CLEC4F: variants seen among roughly 807,000 people sequenced by gnomAD.
CLEC4F encodes the protein C-type lectin domain family 4 member F, also known as C-type (calcium dependent, carbohydrate-recognition domain) lectin, superfamily member 13.
Under a neutral mutation model 53.4 loss-of-function variants are expected in CLEC4F, and 45 were observed. The observed-to-expected ratio is 0.84, with a 90% CI of 0.66 to 1.08. The LOEUF (loss-of-function observed/expected upper bound fraction) is 1.08, where lower values mean the gene tolerates loss of function less well. CLEC4F is among the 50% of genes least tolerant of loss of function. The pLI is 0.00. For synonymous variants in CLEC4F, 245 were observed against 257.5 expected, an observed-to-expected ratio of 0.95 and a Z score of 0.46; for missense variants, 753 against 698.2, an observed-to-expected ratio of 1.08 and a Z score of -0.88.
rs782069964 is a variant in CLEC4F at position 70,820,539 on chromosome 2, C to T, written c.-16G>A. On this transcript the variant is annotated 5_prime_UTR_variant, in exon 1 of 7. Coordinates refer to ENST00000272367, the MANE Select transcript of CLEC4F (RefSeq NM_173535.3). ...CACCGTCCATCTCTGCTTCCTTGATCCTCCAGCACTGCTCCCAGCCACTGG... is the reference window on the plus strand; with the variant it reads ...CACCGTCCATCTCTGCTTCCTTGATTCTCCAGCACTGCTCCCAGCCACTGG... 2.5e-6 allele frequency: 4 copies of T among 1,577,286 alleles called. No homozygotes were observed. In the South Asian group the frequency reaches 4.6e-5, roughly 18 times the overall value.
At chr2:70,822,067 C>T (rs1264067308), upstream of CLEC4F, among the ~76,000 whole-genome samples, 1 of 152,140 alleles carries the variant, frequency 6.6e-6, no homozygotes, top group Non-Finnish European at 1.5e-5. Flanking sequence ...CCAGAACCCC[C>T]AAATTTGTAG....
At chr2:70,819,953 G>T in intron 1 of CLEC4F, 62 bp from the exon 2 acceptor site, 1 of 1,133,618 alleles carries the variant, frequency 8.8e-7, no homozygotes, top group Non-Finnish European at 1.3e-6. Flanking sequence ...AGGGTGCTGT[G>T]CAGGCTGAGA....
chr2:70,813,611 CTT>C (rs1326423320), intron 4 of CLEC4F, among the ~76,000 whole-genome samples: 3 of 110,344 alleles, frequency 2.7e-5, no homozygotes, highest in African/African-American at 1.1e-4. Flanking sequence ...TTCTTTCTTT[CTT>C]TCTTTCTTTC....
rs571834555 is a variant in CLEC4F, at chr2:70,819,697, G to A, written c.178+78C>T. On this transcript the variant is annotated intron_variant, in intron 2 of 6. Coordinates refer to ENST00000272367, the MANE Select transcript of CLEC4F (RefSeq NM_173535.3). ...TTCTGGGAGCAGAGAGGCCCAGAGA[G>A]TGTGCATCTGGGGCCCCTGGGGACT... The A allele has an allele frequency of 1.1e-4, 114 of 999,628 alleles. 2 individuals are homozygous for A. In the South Asian group the frequency reaches 1.7e-3, roughly 15 times the overall value. 61.9% of individuals were successfully genotyped at this position (999,628 alleles called of 1,614,324 possible). A position where few individuals can be genotyped will look rare whatever the true frequency, so the allele number is the denominator to read the frequency against.
intron 3 of CLEC4F, among the ~76,000 whole-genome samples, chr2:70,818,849 T>C (rs1415017737): frequency 6.7e-6 from 1 of 149,624 alleles, no homozygotes; most frequent in South Asian, 2.1e-4. Flanking sequence ...AATGATAAAT[T>C]AGACTATCAA....
chr2:70,819,504 C>T, intron 2 of CLEC4F, 60 bp from the exon 3 acceptor site: 1 of 1,462,580 alleles, frequency 6.8e-7, no homozygotes, highest in Non-Finnish European at 9.6e-7. Context: ...GGAGGATACG[C>T]TGTCCCACAC....
chr2:70,816,760 G>A lies in CLEC4F; in HGVS notation c.621C>T (p.Asn207=). The A allele has an allele frequency of 6.2e-7, 1 of 1,614,128 alleles. No homozygotes were observed. Among genetic ancestry groups the A allele is most frequent in the South Asian group, 1.1e-5 (1 of 91,088 alleles). ...TTAGCACGTGGAGCTCAATGCTGGT[G>A]TTTTCTAAACTGCTTTTTAAGAAAT... ...TLNFLKSSLE[N]TSIELHVLSR... The change falls in exon 4 of 7, where the codon AAC becomes AAT. Residue 207 remains asparagine (N), a synonymous_variant. Coordinates refer to ENST00000272367, the MANE Select transcript of CLEC4F (RefSeq NM_173535.3).
At chr2:70,821,329 C>T (rs1468992208), upstream of CLEC4F, among the ~76,000 whole-genome samples, 2 of 152,094 alleles carry the variant, frequency 1.3e-5, no homozygotes, top group African/African-American at 4.8e-5. Flanking sequence ...CAGGGTGGAC[C>T]CTTAGATAAT....
chr2:70,814,122 T>C (rs564863894), intron 4 of CLEC4F, among the ~76,000 whole-genome samples: 1 of 152,314 alleles, frequency 6.6e-6, no homozygotes, highest in South Asian at 2.1e-4. Context: ...AGCTACTTGG[T>C]ATTCTTGGGA....
chr2:70,814,442 C>T (rs914550395), intron 4 of CLEC4F, among the ~76,000 whole-genome samples: 4 of 152,100 alleles, frequency 2.6e-5, no homozygotes, highest in South Asian at 4.1e-4. Context: ...CACCTGACAA[C>T]GTGGTAGAAA....
rs782422887 is a variant in CLEC4F, at chr2:70,816,898, T to C, written c.483A>G (p.Thr161=). The C allele has an allele frequency of 3.7e-6, 6 of 1,614,068 alleles. No individual in the cohort carries two copies. The highest frequency in any genetic ancestry group is 5.1e-6 in the Non-Finnish European group (6 of 1,180,022). ...MVKGVLKDAT[T]LSLQTQMLRS... The stretch of plus-strand genomic sequence containing the variant: ...TTAACATCTGTGTCTGCAAACTCAA[T>C]GTAGTGGCATCCTTTAGAACTCCTT... The change falls in exon 4 of 7, where the codon ACA becomes ACG. Residue 161 remains threonine, a synonymous_variant. Coordinates refer to ENST00000272367, the MANE Select transcript of CLEC4F (RefSeq NM_173535.3).
At position 70,816,074 on chromosome 2, in the gene CLEC4F, A is replaced by G. The variant is rs1676881797; in HGVS notation, c.1307T>C (p.Met436Thr). Reference sequence around the variant, plus strand: ...GCGACTCTGCTCCTGCTGGATTTCCATGGTTAGAGCTTTGGTGTTCTCTAG... The same window carrying G: ...GCGACTCTGCTCCTGCTGGATTTCCGTGGTTAGAGCTTTGGTGTTCTCTAG... ...GDLENTKALT[M>T]EIQQEQSRLK... The change falls in exon 4 of 7, where the codon ATG (methionine) becomes ACG (threonine). Residue 436 changes from methionine (M) to threonine (T), a missense_variant. By Grantham distance (81) the Met-to-Thr change is moderately conservative (BLOSUM62 -1). Coordinates refer to ENST00000272367, the MANE Select transcript of CLEC4F (RefSeq NM_173535.3). 1 of 1,614,162 alleles carries G rather than the reference A, an allele frequency of 6.2e-7. No individual in the cohort carries two copies. Among genetic ancestry groups the G allele is most frequent in the Non-Finnish European group, 8.5e-7 (1 of 1,180,046 alleles).
intron 5 of CLEC4F, 75 bp downstream of exon 5, chr2:70,812,372 C>G (rs1676617310): frequency 6.5e-7 from 1 of 1,541,904 alleles, no homozygotes; most frequent in South Asian, 1.2e-5. Context: ...CCACTGAGAG[C>G]AGGAAGGCCA....
In CLEC4F at chr2:70,809,446, C is replaced by A. The variant is rs1358864992; in HGVS notation, c.1659-64G>T. On this transcript the variant is annotated intron_variant, in intron 6 of 6. Transcript: ENST00000272367. Reference sequence around the variant, plus strand: ...CACTGGCTGCATGCCAGCCTCAGGACCTGTCCTTTCCTAATGACCCTCTGT... The same window carrying A: ...CACTGGCTGCATGCCAGCCTCAGGAACTGTCCTTTCCTAATGACCCTCTGT... 4 of 1,496,156 alleles carry A rather than the reference C, an allele frequency of 2.7e-6. No homozygotes were observed. In the African/African-American group the frequency reaches 5.6e-5, roughly 21 times the overall value. 92.7% of individuals were successfully genotyped at this position (1,496,156 alleles called of 1,614,324 possible).
In CLEC4F at chr2:70,809,355, G is replaced by A; in HGVS notation, c.1686C>T (p.Leu562=). 2 of 1,612,516 alleles carry A rather than the reference G, an allele frequency of 1.2e-6. No homozygotes were observed. The highest frequency in any genetic ancestry group is 1.7e-6 in the Non-Finnish European group (2 of 1,179,472). Residue 562 remains leucine (L), a synonymous_variant, in exon 7 of 7, where the codon CTC becomes CTT. Coordinates refer to ENST00000272367, the MANE Select transcript of CLEC4F (RefSeq NM_173535.3). ...KAPGSKGSCP[L]RKYIIVNSGM... is the part of the protein sequence containing the mutation. ...CAGAATTCACAATAATATACTTTCT[G>A]AGTGGGCAGGATCCCTTGGAACCAG...
chr2:70,824,246 GCAA>G (rs1171401430), upstream of CLEC4F, among the ~76,000 whole-genome samples: 2 of 149,300 alleles, frequency 1.3e-5, no homozygotes, highest in Non-Finnish European at 3.0e-5. Flanking sequence ...ACAAAATACA[GCAA>G]CAACAATTCA....
intron 5 of CLEC4F, among the ~76,000 whole-genome samples, chr2:70,811,712 G>C (rs556450684): frequency 6.6e-6 from 1 of 152,274 alleles, no homozygotes; most frequent in African/African-American, 2.4e-5. Flanking sequence ...ACCCATAGTT[G>C]TGTGCCTGGT....
chr2:70,819,522 G>A (rs1553397338), intron 2 of CLEC4F, 78 bp from the exon 3 acceptor site: 1 of 1,365,594 alleles, frequency 7.3e-7, no homozygotes, highest in East Asian at 2.3e-5. Flanking sequence ...CACAGAGGTA[G>A]AGTTCCAGAA....
chr2:70,810,932 C>G (rs868914657), intron 5 of CLEC4F: 54 of 535,202 alleles, frequency 1.0e-4, no homozygotes, highest in African/African-American at 8.7e-4. Context: ...GTTTCATTTT[C>G]ATATTCATCA....
Sources: gnomAD v4.1 joint callset for allele counts (sites outside exome capture counted in the v4.1 genomes callset) on GRCh38, gnomAD v4.1.1 for gene constraint, MANE v1.5 for transcripts, NCBI Gene and HGNC (gene_info 2026-07-23, HGNC 2026-07-21) for gene names.